The following RDH10 variants were observed in gnomAD, a reference collection of about 807,000 sequenced individuals.
The protein encoded by RDH10 is retinol dehydrogenase 10 (all-trans).
Under a neutral mutation model 30.2 loss-of-function variants are expected in RDH10, and 12 were observed. The ratio of observed to expected loss-of-function variants is 0.40; its 90% CI spans 0.25 to 0.64. The LOEUF (loss-of-function observed/expected upper bound fraction) is 0.64, where lower values mean the gene tolerates loss of function less well. Among genes scored for constraint, RDH10 ranks in the 30% least tolerant of loss-of-function variants. The pLI, the probability that RDH10 is intolerant of heterozygous loss-of-function variation, is 0.43. For missense variants in RDH10, 268 were observed against 445.2 expected (o/e 0.60, Z 3.58); for synonymous variants, 189 against 172.2 (o/e 1.10, Z -0.76).
intron 4 of RDH10, 82 bp from the exon 5 acceptor site, chr8:73,322,597 C>G (rs961593563): frequency 8.9e-7 from 1 of 1,128,656 alleles, no homozygotes; most frequent in Non-Finnish European, 1.3e-6. Flanking sequence ...CAGATAACAT[C>G]ACTGTTAATG....
intron 1 of RDH10, 122 bp downstream of exon 1, chr8:73,295,700 C>T: frequency 9.2e-7 from 1 of 1,082,724 alleles, no homozygotes; most frequent in Non-Finnish European, 1.3e-6. Flanking sequence ...GAACACCCCA[C>T]CGGTCTTTTG....
intron 2 of RDH10, among the ~76,000 whole-genome samples, chr8:73,318,229 T>G (rs1216339392): frequency 6.6e-6 from 1 of 152,206 alleles, no homozygotes; most frequent in African/African-American, 2.4e-5. Flanking sequence ...AATTTTTTTT[T>G]TTTTGATACA....
intron 2 of RDH10, among the ~76,000 whole-genome samples, chr8:73,318,827 A>T (rs1017664207): frequency 6.6e-6 from 1 of 152,198 alleles, no homozygotes; most frequent in Non-Finnish European, 1.5e-5. Flanking sequence ...GCTTCTGCCA[A>T]TGGCTCTCTT....
At chr8:73,322,236 C>T in intron 4 of RDH10, 1 of 333,208 alleles carries the variant, frequency 3.0e-6, no homozygotes, top group Non-Finnish European at 5.9e-6. Context: ...CCTCTTCCGG[C>T]ATCCTGGAAA....
At chr8:73,320,123 C>T (rs986023071) in intron 3 of RDH10, among the ~76,000 whole-genome samples, 2 of 152,304 alleles carry the variant, frequency 1.3e-5, no homozygotes, top group East Asian at 1.9e-4. Context: ...ATTTTAACTT[C>T]GCCTTACAAA....
At chr8:73,302,626 A>G (rs768446317) in intron 2 of RDH10, among the ~76,000 whole-genome samples, 4 of 152,182 alleles carry the variant, frequency 2.6e-5, no homozygotes, top group Non-Finnish European at 5.9e-5. Flanking sequence ...TGTAGACTGC[A>G]ATGAGCTGAG....
chr8:73,309,847 A>G (rs944703923), intron 2 of RDH10, among the ~76,000 whole-genome samples: 1 of 152,110 alleles, frequency 6.6e-6, no homozygotes, highest in Non-Finnish European at 1.5e-5. Flanking sequence ...TGCTGCTGGC[A>G]TCTAGTGGAG....
At position 73,295,189 on chromosome 8, in the gene RDH10, C is replaced by A; in HGVS notation, c.-101C>A. 1 of 1,195,258 alleles carries A rather than the reference C, an allele frequency of 8.4e-7. No individual in the cohort carries two copies. The highest frequency in any genetic ancestry group is 1.1e-6 in the Non-Finnish European group (1 of 897,078). The allele number at this position is 1,195,258 out of a possible 1,614,324, so 74.0% of individuals were successfully genotyped here. On this transcript the variant is annotated 5_prime_UTR_variant, in exon 1 of 6. Coordinates refer to ENST00000240285, the MANE Select transcript of RDH10 (RefSeq NM_172037.5). ...GGCGCGGGGCGCAGCCTTCTCGTCC[C>A]GGCCTCTGTGACAAGCGCCCCGGAG...
intron 3 of RDH10, among the ~76,000 whole-genome samples, chr8:73,320,440 GT>G (rs954654905): frequency 9.9e-5 from 14 of 140,828 alleles, no homozygotes; most frequent in East Asian, 6.2e-4. Context: ...TCTGGTTTGT[GT>G]TTTTTTTTTG....
At chr8:73,304,741 T>G (rs73330915) in intron 2 of RDH10, among the ~76,000 whole-genome samples, 3,511 of 152,282 alleles carry the variant, frequency 0.023, 127 homozygotes, top group African/African-American at 0.081. Context: ...CTGTTTTACT[T>G]GAAGACAACA....
rs888422439 is a variant in RDH10 at position 73,295,228 on chromosome 8, T to A, written c.-62T>A. The stretch of plus-strand genomic sequence containing the variant: ...AGCGCCCCGGAGCCGGGAGCCCGAT[T>A]GCCGGGCTCGGGGTGGGCGCGGACG... On this transcript the variant is annotated 5_prime_UTR_variant, in exon 1 of 6. Transcript: ENST00000240285. The A allele has an allele frequency of 7.0e-7, 1 of 1,423,058 alleles. No homozygotes were observed. Among genetic ancestry groups the A allele is most frequent in the African/African-American group, 1.5e-5 (1 of 66,438 alleles). 88.2% of individuals were successfully genotyped at this position (1,423,058 alleles called of 1,614,324 possible).
rs1434397758 is a variant in RDH10 at position 73,324,305 on chromosome 8, T to A, written c.*1269T>A. On this transcript the variant is annotated 3_prime_UTR_variant, in exon 6 of 6. Coordinates refer to ENST00000240285, the MANE Select transcript of RDH10 (RefSeq NM_172037.5). ...AACAGCAAATGACATTTTTACAGTA[T>A]TTTTTTGTAAAGCAAACTATTTTGT... 1.3e-5 allele frequency: 2 copies of A among 152,656 alleles called. No homozygotes were observed. Among genetic ancestry groups the A allele is most frequent in the African/African-American group, 4.8e-5 (2 of 41,460 alleles). The allele number at this position is 152,656 out of a possible 1,614,324, so 9.5% of individuals were successfully genotyped here.
chr8:73,308,787 A>C (rs1333692137), intron 2 of RDH10, among the ~76,000 whole-genome samples: 4 of 152,172 alleles, frequency 2.6e-5, no homozygotes, highest in Non-Finnish European at 4.4e-5. Context: ...TGCTAGGGGT[A>C]GGAGGCACTG....
At chr8:73,315,098 G>C (rs902395799) in intron 2 of RDH10, among the ~76,000 whole-genome samples, 2 of 151,234 alleles carry the variant, frequency 1.3e-5, no homozygotes, top group African/African-American at 4.9e-5. Flanking sequence ...GCCATATCTG[G>C]ATTGTTTGGT....
At chr8:73,318,408 C>G (rs1185030896) in intron 2 of RDH10, among the ~76,000 whole-genome samples, 3 of 152,226 alleles carry the variant, frequency 2.0e-5, no homozygotes, top group Non-Finnish European at 4.4e-5. Flanking sequence ...CAGTCACTTG[C>G]ATCTGTGGCA....
At chr8:73,295,740 A>G in intron 1 of RDH10, 162 bp downstream of exon 1, 1 of 939,404 alleles carries the variant, frequency 1.1e-6, no homozygotes, top group Non-Finnish European at 1.5e-6. Flanking sequence ...TTCCTGATAA[A>G]GGAACGCGAT....
At chr8:73,322,881 G>A in intron 5 of RDH10, 32 bp from the exon 6 acceptor site, 3 of 1,614,002 alleles carry the variant, frequency 1.9e-6, no homozygotes, top group Non-Finnish European at 2.5e-6. Context: ...GAAACTTCAA[G>A]TTTGCTAACA....
rs1460648662 is a variant in RDH10 at position 73,301,081 on chromosome 8, C to T, written c.525+3652C>T. Among the ~76,000 whole-genome samples, 8 of 118,274 alleles carry T rather than the reference C, an allele frequency of 6.8e-5. No individual in the cohort carries two copies. In the South Asian group the frequency reaches 1.1e-3, roughly 16 times the overall value. The allele number at this position is 118,274 out of a possible 152,430, so 77.6% of individuals were successfully genotyped here. On this transcript the variant is annotated intron_variant, in intron 2 of 5. Transcript: ENST00000240285. The stretch of plus-strand genomic sequence containing the variant: ...TTTTTTTTTTTTTGAGACGGAGTCT[C>T]GCTCTGTCGCCCAGGCTGGAGTGCA...
chr8:73,298,399 T>C (rs1456990437), intron 2 of RDH10, among the ~76,000 whole-genome samples: 1 of 152,252 alleles, frequency 6.6e-6, no homozygotes, highest in Non-Finnish European at 1.5e-5. Context: ...TTTTAGCAAC[T>C]GCTTAAAAAC....
Sources: allele counts gnomAD v4.1 joint callset (sites outside exome capture counted in the v4.1 genomes callset), GRCh38; gene constraint gnomAD v4.1.1; transcripts MANE v1.5; gene names NCBI Gene and HGNC (gene_info 2026-07-23, HGNC 2026-07-21).